VAV3: variants seen among roughly 807,000 people sequenced by gnomAD.
VAV3 encodes vav guanine nucleotide exchange factor 3.
A neutral mutation model predicts 131.2 loss-of-function variants in VAV3; 94 were observed. That is an observed-to-expected ratio of 0.72 (90% CI 0.61 to 0.85). VAV3 has a LOEUF of 0.85. Among genes scored for constraint, VAV3 ranks in the 40% least tolerant of loss-of-function variants. The pLI, the probability that VAV3 is intolerant of heterozygous loss-of-function variation, is 0.00. For missense variants in VAV3, 939 were observed against 1,002.7 expected, an observed-to-expected ratio of 0.94 and a Z score of 0.86; for synonymous variants, 349 against 342.0, an observed-to-expected ratio of 1.02 and a Z score of -0.22.
At chr1:107,735,462 A>T (rs1275585657) in intron 15 of VAV3, among the ~76,000 whole-genome samples, 1 of 152,194 alleles carries the variant, frequency 6.6e-6, no homozygotes, top group Non-Finnish European at 1.5e-5. Context: ...ACCGCTAGCA[A>T]GACTAATAAA....
At chr1:107,831,352 G>A (rs771362511) in intron 2 of VAV3, among the ~76,000 whole-genome samples, 6 of 152,092 alleles carry the variant, frequency 3.9e-5, no homozygotes, top group Non-Finnish European at 8.8e-5. Flanking sequence ...CTGTTTTCGT[G>A]TCATTTCAGA....
chr1:107,922,865 T>C (rs1180351053), intron 1 of VAV3, among the ~76,000 whole-genome samples: 1 of 147,832 alleles, frequency 6.8e-6, no homozygotes, highest in Non-Finnish European at 1.5e-5. Flanking sequence ...GGCGGGAGAA[T>C]GGCGTGAACC....
At chr1:107,700,120 A>G (rs771358148) in intron 17 of VAV3, among the ~76,000 whole-genome samples, 1 of 152,226 alleles carries the variant, frequency 6.6e-6, no homozygotes, top group Non-Finnish European at 1.5e-5. Flanking sequence ...GACTCTAGAG[A>G]TAAGAATCCT....
chr1:107,802,754 G>A lies in VAV3; in HGVS notation c.322-23262C>T, dbSNP rs573555182. ...ATTCAGTTTGCTAATATTGTGTTGA[G>A]GACTTTTGTATCTGTGTTTATCAGT... On this transcript the variant is annotated intron_variant, in intron 2 of 26. Coordinates refer to ENST00000370056, the MANE Select transcript of VAV3 (RefSeq NM_006113.5). 7.2e-5 allele frequency among the ~76,000 whole-genome samples: 11 copies of A among 152,144 alleles called. No homozygotes were observed. The East Asian group carries it at 1.9e-3, about 27-fold the overall frequency.
chr1:107,824,070 A>G (rs1487432686), intron 2 of VAV3, among the ~76,000 whole-genome samples: 2 of 152,224 alleles, frequency 1.3e-5, no homozygotes, highest in Non-Finnish European at 2.9e-5. Context: ...GGTTTCAAGA[A>G]GCAGGGAGAC....
At chr1:107,786,466 C>T (rs146597676) in intron 2 of VAV3, among the ~76,000 whole-genome samples, 5 of 152,252 alleles carry the variant, frequency 3.3e-5, no homozygotes, top group African/African-American at 1.2e-4. Flanking sequence ...CCCTTACCTA[C>T]GAAATTACAA....
rs891897690 is a variant in VAV3, at chr1:107,801,261, T to C, written c.322-21769A>G. 2.6e-5 allele frequency among the ~76,000 whole-genome samples: 4 copies of C among 152,172 alleles called. No individual in the cohort carries two copies. The South Asian group carries it at 6.2e-4, about 24-fold the overall frequency. On this transcript the variant is annotated intron_variant, in intron 2 of 26. Transcript: ENST00000370056. ...AGATACTGTGATGCCTCCAGCTTTG[T>C]AGTTGTTGCTCAGAATTGCTTTAGC...
At chr1:107,661,405 G>A (rs1002110399) in intron 19 of VAV3, among the ~76,000 whole-genome samples, 1 of 152,154 alleles carries the variant, frequency 6.6e-6, no homozygotes, top group African/African-American at 2.4e-5. Context: ...CAAGGGCACC[G>A]CCTCTGCAAT....
Position 107,669,005 on chromosome 1 carries a change from G to A in VAV3, c.1777+14483C>T, listed in dbSNP as rs1272365593. ...GTTCAGGATTTCTAAGGGAGTCAGC[G>A]CTGACTATACAGAGAAAAATCCCCA... is the stretch of plus-strand genomic sequence containing the variant. On this transcript the variant is annotated intron_variant, in intron 19 of 26. Transcript: ENST00000370056. 3.9e-6 allele frequency: 4 copies of A among 1,025,800 alleles called. No individual in the cohort carries two copies. In the African/African-American group the frequency reaches 5.2e-5, roughly 13 times the overall value. 63.5% of individuals were successfully genotyped at this position (1,025,800 alleles called of 1,614,324 possible).
chr1:107,668,541 C>T, intron 19 of VAV3: 1 of 814,670 alleles, frequency 1.2e-6, no homozygotes, highest in Non-Finnish European at 1.5e-6. Flanking sequence ...GGCTACTTCA[C>T]CAACATGCTG....
At chr1:107,591,013 T>C (rs1650906901) in intron 25 of VAV3, among the ~76,000 whole-genome samples, 1 of 152,138 alleles carries the variant, frequency 6.6e-6, no homozygotes, top group African/African-American at 2.4e-5. Context: ...CAGAATCCAC[T>C]TACTATACTC....
At chr1:107,758,524 T>G (rs536067923) in intron 10 of VAV3, among the ~76,000 whole-genome samples, 1 of 152,144 alleles carries the variant, frequency 6.6e-6, no homozygotes, top group Non-Finnish European at 1.5e-5. Flanking sequence ...ACTACACCAT[T>G]GCACTCTAGC....
chr1:107,765,095 T>A lies in VAV3; in HGVS notation c.902A>T (p.Asp301Val), dbSNP rs1371949484. ...SLDYISKTKE[D>V]VKLKLEECSK... ...AGGCACCTCTAATTTCAGTTTGACATCTTCTTTTGTCTTAGAAATGTAGTC... is the reference window on the plus strand; with the variant it reads ...AGGCACCTCTAATTTCAGTTTGACAACTTCTTTTGTCTTAGAAATGTAGTC... Residue 301 changes from aspartate to valine, a missense_variant, in exon 9 of 27, where the codon GAT (aspartate) becomes GTT (valine). Coordinates refer to ENST00000370056, the MANE Select transcript of VAV3 (RefSeq NM_006113.5). 1 of 1,613,006 alleles carries A rather than the reference T, an allele frequency of 6.2e-7. No individual in the cohort carries two copies. The highest frequency in any genetic ancestry group is 1.1e-5 in the South Asian group (1 of 90,996).
chr1:107,927,051 C>T (rs1673192606), intron 1 of VAV3, among the ~76,000 whole-genome samples: 1 of 152,174 alleles, frequency 6.6e-6, no homozygotes, highest in Non-Finnish European at 1.5e-5. Context: ...CTTCCCTTTG[C>T]TTCAGCAGAG....
chr1:107,717,550 G>C (rs1249182170), intron 15 of VAV3, among the ~76,000 whole-genome samples: 1 of 152,222 alleles, frequency 6.6e-6, no homozygotes, highest in Non-Finnish European at 1.5e-5. Context: ...GTGCGGTTTT[G>C]AGTGAGTTTC....
chr1:107,947,398 T>TC (rs11372971), intron 1 of VAV3, among the ~76,000 whole-genome samples: 144,518 of 152,174 alleles, frequency 0.95, 69,041 homozygotes, highest in East Asian at 1. Context: ...TTCTAAGAGT[T>TC]CCAAAAGAAC....
chr1:107,723,752 C>A (rs1234644988), intron 15 of VAV3, among the ~76,000 whole-genome samples: 1 of 151,492 alleles, frequency 6.6e-6, no homozygotes. Context: ...GAGATGATGT[C>A]TTCCATACTT....
chr1:107,601,309 T>A (rs934657857), intron 24 of VAV3, among the ~76,000 whole-genome samples: 2 of 152,212 alleles, frequency 1.3e-5, no homozygotes, highest in African/African-American at 4.8e-5. Context: ...GATCTTTACA[T>A]CCATAGAGAT....
intron 20 of VAV3, among the ~76,000 whole-genome samples, chr1:107,622,134 C>T (rs1653655301): frequency 6.6e-6 from 1 of 152,060 alleles, no homozygotes; most frequent in Non-Finnish European, 1.5e-5. Context: ...ATGTATCAAA[C>T]TAAAATTATT....
Sources: gnomAD v4.1 joint callset for allele counts (sites outside exome capture counted in the v4.1 genomes callset) on GRCh38, gnomAD v4.1.1 for gene constraint, MANE v1.5 for transcripts, NCBI Gene and HGNC (gene_info 2026-07-23, HGNC 2026-07-21) for gene names.